NACC2: variants seen among roughly 807,000 people sequenced by gnomAD.
NACC2 encodes nucleus accumbens-associated protein 2.
Under a neutral mutation model 25.1 loss-of-function variants are expected in NACC2, and 8 were observed. That is an observed-to-expected ratio of 0.32 (90% CI 0.19 to 0.57). The LOEUF (loss-of-function observed/expected upper bound fraction) is 0.57. NACC2 is among the 20% of genes least tolerant of loss of function. The probability of loss-of-function intolerance (pLI) is 0.89; values close to 1 mark genes in which losing one functional copy is unlikely to be tolerated. For synonymous variants in NACC2, 435 were observed against 294.7 expected (o/e 1.48, Z -4.88); for missense variants, 644 against 650.2 (o/e 0.99, Z 0.10).
chr9:136,042,787 CACAT>C (rs1238428572), intron 2 of NACC2, among the ~76,000 whole-genome samples: 3 of 150,878 alleles, frequency 2.0e-5, no homozygotes, highest in Admixed American at 6.6e-5. Context: ...GACACACACA[CACAT>C]AGACACAGTG....
chr9:136,071,730 T>C (rs10122618), intron 1 of NACC2, among the ~76,000 whole-genome samples: 67,574 of 151,716 alleles, frequency 0.45, 16,009 homozygotes, highest in Middle Eastern at 0.62. Flanking sequence ...CAAGACTGTG[T>C]GGTATGGACA....
intron 1 of NACC2, among the ~76,000 whole-genome samples, chr9:136,083,034 G>T (rs913806954): frequency 6.6e-6 from 1 of 152,230 alleles, no homozygotes; most frequent in Non-Finnish European, 1.5e-5. Context: ...TCACATGAAA[G>T]CGACCAGATT....
At chr9:136,067,189 C>T (rs531179066) in intron 1 of NACC2, among the ~76,000 whole-genome samples, 32 of 148,528 alleles carry the variant, frequency 2.2e-4, no homozygotes, top group African/African-American at 4.7e-4. Context: ...GGGAGGCGGA[C>T]GTTGCGGTGA....
intron 1 of NACC2, among the ~76,000 whole-genome samples, chr9:136,082,557 G>A (rs1256651543): frequency 2.0e-5 from 3 of 152,208 alleles, no homozygotes; most frequent in East Asian, 1.9e-4. Context: ...TCTGGCCCTC[G>A]GAGCCCGACA....
At chr9:136,028,207 T>A (rs1840422180) in intron 2 of NACC2, among the ~76,000 whole-genome samples, 1 of 123,730 alleles carries the variant, frequency 8.1e-6, no homozygotes. Flanking sequence ...AGAAACTCCA[T>A]CTCCAAAAAA....
chr9:136,026,273 G>A (rs766580988), intron 2 of NACC2, among the ~76,000 whole-genome samples: 4 of 150,946 alleles, frequency 2.6e-5, no homozygotes, highest in Admixed American at 6.6e-5. Flanking sequence ...CCCAGCGGGG[G>A]TGGAGGTTGC....
chr9:136,046,573 C>G (rs1437081961), intron 2 of NACC2, among the ~76,000 whole-genome samples: 1 of 152,202 alleles, frequency 6.6e-6, no homozygotes, highest in East Asian at 1.9e-4. Flanking sequence ...TGATGGGGAC[C>G]GAGACGGGGC....
Position 136,046,416 on chromosome 9 carries a change from G to T in NACC2, c.886+3220C>A. Among the ~76,000 whole-genome samples the T allele has an allele frequency of 2.6e-5, 4 of 152,334 alleles. No homozygotes were observed. In the Middle Eastern group the frequency reaches 0.014, roughly 518 times the overall value. ...AGCTCATCTTGCTCCGGGGTCTCCC[G>T]AGGCTGCCGGCCACAGGGCCAGGAG... On this transcript the variant is annotated intron_variant, in intron 2 of 5. Transcript: ENST00000277554.
chr9:136,014,067 G>T lies in NACC2; in HGVS notation c.1052-98C>A, dbSNP rs377195201. 6.0e-6 allele frequency: 4 copies of T among 666,338 alleles called. 1 individual carries two copies. Among genetic ancestry groups the T allele is most frequent in the South Asian group, 5.5e-5 (3 of 54,804 alleles). The allele number at this position is 666,338 out of a possible 1,614,324, so 41.3% of individuals were successfully genotyped here. On this transcript the variant is annotated intron_variant, in intron 3 of 5. Coordinates refer to ENST00000277554, the MANE Select transcript of NACC2 (RefSeq NM_144653.5). ...TGAGGGGGAGGGGGGGAGGTGGAGGGGGAGGAGGAGCTGGAAGCTTCTAGG... is the reference window on the plus strand; with the variant it reads ...TGAGGGGGAGGGGGGGAGGTGGAGGTGGAGGAGGAGCTGGAAGCTTCTAGG...
intron 2 of NACC2, among the ~76,000 whole-genome samples, chr9:136,038,084 C>T (rs892870154): frequency 1.3e-5 from 2 of 152,292 alleles, no homozygotes; most frequent in African/African-American, 2.4e-5. Context: ...AGGCCACATA[C>T]TGTATACAAC....
At chr9:136,036,350 A>T (rs1226818793) in intron 2 of NACC2, among the ~76,000 whole-genome samples, 1 of 152,236 alleles carries the variant, frequency 6.6e-6, no homozygotes, top group African/African-American at 2.4e-5. Flanking sequence ...TCCAGCATCT[A>T]TTAAAAAAAA....
intron 1 of NACC2, among the ~76,000 whole-genome samples, chr9:136,087,796 C>T (rs557731169): frequency 2.6e-5 from 4 of 152,310 alleles, no homozygotes; most frequent in South Asian, 2.1e-4. Flanking sequence ...CAGCCCAGGA[C>T]GGCACCGGCA....
intron 1 of NACC2, among the ~76,000 whole-genome samples, chr9:136,056,163 C>A (rs1027656515): frequency 6.6e-6 from 1 of 152,146 alleles, no homozygotes; most frequent in African/African-American, 2.4e-5. Context: ...CCGGATGTGC[C>A]AGGGCCTCAG....
chr9:136,063,611 CG>C (rs1363492615), intron 1 of NACC2, among the ~76,000 whole-genome samples: 6 of 152,192 alleles, frequency 3.9e-5, no homozygotes, highest in Non-Finnish European at 8.8e-5. Flanking sequence ...AGGCCGAGCA[CG>C]GTGGCTCACG....
chr9:136,053,756 C>CG (rs1356756376), intron 1 of NACC2, among the ~76,000 whole-genome samples: 1 of 152,070 alleles, frequency 6.6e-6, no homozygotes, highest in African/African-American at 2.4e-5. Context: ...GCCCCAAGGA[C>CG]GGGGGGGTAG....
At chr9:136,083,195 G>C (rs1444936898) in intron 1 of NACC2, among the ~76,000 whole-genome samples, 2 of 152,226 alleles carry the variant, frequency 1.3e-5, no homozygotes, top group African/African-American at 4.8e-5. Flanking sequence ...AGAGCCAGTG[G>C]CCACAGGGCT....
chr9:136,060,019 C>CCCCACTCTG (rs772681140), intron 1 of NACC2, among the ~76,000 whole-genome samples: 45 of 152,260 alleles, frequency 3.0e-4, no homozygotes, highest in Non-Finnish European at 5.9e-4. Flanking sequence ...CACAGGGTGA[C>CCCCACTCTG]CCCACTCTGC....
intron 3 of NACC2, among the ~76,000 whole-genome samples, 171 bp from the exon 4 acceptor site, chr9:136,014,140 G>C (rs1840160073): frequency 6.6e-6 from 1 of 152,120 alleles, no homozygotes; most frequent in Admixed American, 6.5e-5. Flanking sequence ...CTGGTCACCA[G>C]GAGAGGCCAT....
chr9:136,050,850 G>A (rs997114196), intron 1 of NACC2, among the ~76,000 whole-genome samples: 1 of 152,146 alleles, frequency 6.6e-6, no homozygotes, highest in Non-Finnish European at 1.5e-5. Context: ...CACTCCCAGG[G>A]GGCTGCTCTT....
Sources: allele counts gnomAD v4.1 joint callset (sites outside exome capture counted in the v4.1 genomes callset), GRCh38; gene constraint gnomAD v4.1.1; transcripts MANE v1.5; gene names NCBI Gene and HGNC (gene_info 2026-07-23, HGNC 2026-07-21).